Variants in SIN3B observed in about 807,000 individuals in gnomAD.
SIN3B encodes the protein paired amphipathic helix protein Sin3b.
A neutral mutation model predicts 120.2 loss-of-function variants in SIN3B; 19 were observed. That is an observed-to-expected ratio of 0.16 (90% CI 0.11 to 0.23). The LOEUF is 0.23. Among genes scored for constraint, SIN3B ranks in the 10% least tolerant of loss-of-function variants. The pLI is 1.00. For synonymous variants in SIN3B, 654 were observed against 653.2 expected, an observed-to-expected ratio of 1.00 and a Z score of -0.02; for missense variants, 1,073 against 1,573.0, an observed-to-expected ratio of 0.68 and a Z score of 5.38.
chr19:16,874,358 T>TG (rs1351423592), intron 14 of SIN3B, among the ~76,000 whole-genome samples: 1 of 152,142 alleles, frequency 6.6e-6, no homozygotes, highest in Admixed American at 6.5e-5. Flanking sequence ...TGGCCTGGTC[T>TG]GGTCTGGTTT....
intron 8 of SIN3B, among the ~76,000 whole-genome samples, chr19:16,857,035 T>G (rs1348020765): frequency 6.6e-6 from 1 of 152,200 alleles, no homozygotes; most frequent in Non-Finnish European, 1.5e-5. Flanking sequence ...AAGCATCTCA[T>G]TTTTATTATT....
chr19:16,840,907 A>G (rs1000932450), intron 3 of SIN3B, among the ~76,000 whole-genome samples: 10 of 152,168 alleles, frequency 6.6e-5, no homozygotes, highest in African/African-American at 2.4e-4. Context: ...CAGGAGTGCT[A>G]GGAGGTGGCG....
chr19:16,853,137 G>A lies in SIN3B; in HGVS notation c.918G>A (p.Gln306=). Residue 306 remains glutamine, a synonymous_variant, in exon 7 of 19, where the codon CAG becomes CAA. Coordinates refer to ENST00000248054, the MANE Select transcript of SIN3B (RefSeq NM_001297595.2). ...CAGTGGGGAAGTACGGGACTCTGCA[G>A]GAATTTTCTTTCTTTGACAAGGTGA... The part of the protein sequence containing the change: ...IAAVGKYGTL[Q]EFSFFDKVRR... 6.2e-7 allele frequency: 1 copy of A among 1,614,212 alleles called. No individual in the cohort carries two copies. Among genetic ancestry groups the A allele is most frequent in the Non-Finnish European group, 8.5e-7 (1 of 1,180,008 alleles).
intron 5 of SIN3B, among the ~76,000 whole-genome samples, 165 bp from the exon 6 acceptor site, chr19:16,851,247 G>T (rs765718444): frequency 3.9e-5 from 6 of 152,244 alleles, no homozygotes; most frequent in Admixed American, 6.5e-5. Flanking sequence ...TGGAATGTGA[G>T]CATCTTGCTG....
chr19:16,866,175 C>T (rs773933211), intron 11 of SIN3B, among the ~76,000 whole-genome samples, 198 bp from the exon 12 acceptor site: 4 of 152,124 alleles, frequency 2.6e-5, no homozygotes, highest in Non-Finnish European at 4.4e-5. Context: ...ACCGGGAAGC[C>T]GGCCACATTG....
At chr19:16,858,550 A>G (rs539915537) in intron 8 of SIN3B, among the ~76,000 whole-genome samples, 80 of 152,180 alleles carry the variant, frequency 5.3e-4, no homozygotes, top group South Asian at 2.9e-3. Context: ...ATGCGTTTCA[A>G]TACCGTTTCT....
intron 13 of SIN3B, 124 bp downstream of exon 13, chr19:16,870,199 T>C (rs975289524): frequency 1.2e-5 from 14 of 1,164,702 alleles, no homozygotes; most frequent in Non-Finnish European, 1.5e-5. Flanking sequence ...TTCTGTGATT[T>C]CAAATGGGAA....
At chr19:16,831,985 C>T (rs1286208146) in intron 3 of SIN3B, among the ~76,000 whole-genome samples, 1 of 152,178 alleles carries the variant, frequency 6.6e-6, no homozygotes, top group Non-Finnish European at 1.5e-5. Flanking sequence ...GCATACCAGG[C>T]AGGCTTGCCC....
At chr19:16,861,499 A>C (rs948720150) in intron 8 of SIN3B, among the ~76,000 whole-genome samples, 9 of 152,166 alleles carry the variant, frequency 5.9e-5, no homozygotes, top group African/African-American at 2.2e-4. Flanking sequence ...ATGGTGGCTC[A>C]CACTTGTAAT....
At chr19:16,873,576 A>G (rs998343187) in intron 14 of SIN3B, among the ~76,000 whole-genome samples, 15 of 144,852 alleles carry the variant, frequency 1.0e-4, no homozygotes, top group Admixed American at 8.2e-4. Flanking sequence ...GGGGACAGCA[A>G]CCTTGCTTGT....
At chr19:16,866,250 G>C in intron 11 of SIN3B, 123 bp from the exon 12 acceptor site, 1 of 922,484 alleles carries the variant, frequency 1.1e-6, no homozygotes. Flanking sequence ...ACTAGGCTGG[G>C]AGCTGGCTGG....
chr19:16,874,433 GTTTGGTCTGA>G (rs2051555562), intron 14 of SIN3B, among the ~76,000 whole-genome samples: 1 of 145,274 alleles, frequency 6.9e-6, no homozygotes, highest in Admixed American at 6.9e-5. Flanking sequence ...TTTGGTTTTG[GTTTGGTCTGA>G]TTTGGTCTGG....
Position 16,878,790 on chromosome 19 carries a change from G to T in SIN3B, c.*63G>T. 1 of 1,406,744 alleles carries T rather than the reference G, an allele frequency of 7.1e-7. No homozygotes were observed. The highest frequency in any genetic ancestry group is 9.6e-7 in the Non-Finnish European group (1 of 1,041,648). The allele number at this position is 1,406,744 out of a possible 1,614,324, so 87.1% of individuals were successfully genotyped here. A position where few individuals can be genotyped will look rare whatever the true frequency, so the allele number is the denominator to read the frequency against. ...CACAGACGTGCCCTCGGCCTTGGTC[G>T]TGTCGGGGCCGTTTTCTTGAACGAC... On this transcript the variant is annotated 3_prime_UTR_variant, in exon 19 of 19. Coordinates refer to ENST00000248054, the MANE Select transcript of SIN3B (RefSeq NM_001297595.2).
At chr19:16,851,998 G>A (rs958492010) in intron 6 of SIN3B, among the ~76,000 whole-genome samples, 12 of 152,282 alleles carry the variant, frequency 7.9e-5, no homozygotes, top group Admixed American at 1.3e-4. Context: ...TACTATTGGT[G>A]GGAACTTTGT....
chr19:16,878,764 G>GCA lies in SIN3B; in HGVS notation c.*40_*41dup, dbSNP rs1199099561. 1 of 1,528,828 alleles carries GCA rather than the reference G, an allele frequency of 6.5e-7. No individual in the cohort carries two copies. Among genetic ancestry groups the GCA allele is most frequent in the Admixed American group, 1.9e-5 (1 of 52,264 alleles). 94.7% of individuals were successfully genotyped at this position (1,528,828 alleles called of 1,614,324 possible). On this transcript the variant is annotated 3_prime_UTR_variant, in exon 19 of 19. Coordinates refer to ENST00000248054, the MANE Select transcript of SIN3B (RefSeq NM_001297595.2). ...GGGCACCGGGCAGGCGCCTCACAGA[G>GCA]CACAGACGTGCCCTCGGCCTTGGTC...
intron 1 of SIN3B, 59 bp downstream of exon 1, chr19:16,829,599 G>A (rs1335118589): frequency 8.0e-7 from 1 of 1,244,118 alleles, no homozygotes; most frequent in Non-Finnish European, 1.0e-6. Context: ...GCGGGCGGGC[G>A]CCCCTCACCC....
chr19:16,831,727 C>A, intron 3 of SIN3B, 80 bp downstream of exon 3: 1 of 1,264,430 alleles, frequency 7.9e-7, no homozygotes, highest in Non-Finnish European at 1.1e-6. Context: ...CGTGTCTCTC[C>A]TGTATCATTG....
At chr19:16,872,262 AG>A (rs1432240148) in intron 14 of SIN3B, among the ~76,000 whole-genome samples, 1 of 151,896 alleles carries the variant, frequency 6.6e-6, no homozygotes, top group Non-Finnish European at 1.5e-5. Context: ...CATTTCAGAC[AG>A]GACGTTTCCT....
intron 5 of SIN3B, among the ~76,000 whole-genome samples, chr19:16,850,022 T>C (rs1292128101): frequency 6.8e-6 from 1 of 146,612 alleles, no homozygotes; most frequent in South Asian, 2.2e-4. Flanking sequence ...CACTTACAGC[T>C]CTCGAAATAG....
Sources: allele counts gnomAD v4.1 joint callset (sites outside exome capture counted in the v4.1 genomes callset), GRCh38; gene constraint gnomAD v4.1.1; transcripts MANE v1.5; gene names NCBI Gene and HGNC (gene_info 2026-07-23, HGNC 2026-07-21).